The following ABAT variants were observed in gnomAD, a reference collection of about 807,000 sequenced individuals.
ABAT encodes the protein 4-aminobutyrate aminotransferase, mitochondrial.
ABAT carries 45 observed loss-of-function variants against 64.6 expected under a neutral mutation model. The ratio of observed to expected loss-of-function variants is 0.70; its 90% confidence interval spans 0.55 to 0.89. The LOEUF (loss-of-function observed/expected upper bound fraction) is 0.89. Ranked by LOEUF, ABAT falls within the 40% of genes least tolerant of loss-of-function variation. The pLI, the probability that ABAT is intolerant of heterozygous loss-of-function variation, is 0.00. For synonymous variants in ABAT, 297 were observed against 250.5 expected, an observed-to-expected ratio of 1.19 and a Z score of -1.75; for missense variants, 633 against 658.4, an observed-to-expected ratio of 0.96 and a Z score of 0.42.
intron 1 of ABAT, among the ~76,000 whole-genome samples, chr16:8,725,606 T>C (rs1356775388): frequency 6.6e-6 from 1 of 152,268 alleles, no homozygotes; most frequent in Non-Finnish European, 1.5e-5. Flanking sequence ...ATGTTTTGTT[T>C]ATTCATTCAT....
At chr16:8,737,691 G>A (rs1317893631) in intron 2 of ABAT, among the ~76,000 whole-genome samples, 1 of 151,168 alleles carries the variant, frequency 6.6e-6, no homozygotes, top group Non-Finnish European at 1.5e-5. Context: ...GGGAGGCCGA[G>A]GCAGGAGGAT....
At chr16:8,685,931 G>T (rs909993010) in intron 1 of ABAT, among the ~76,000 whole-genome samples, 4 of 152,198 alleles carry the variant, frequency 2.6e-5, no homozygotes, top group Non-Finnish European at 2.9e-5. Flanking sequence ...CCTCCTGGAA[G>T]CTGAATGGAG....
At position 8,776,795 on chromosome 16, in the gene ABAT, C is replaced by G. The variant is rs530622972; in HGVS notation, c.1269+305C>G. 1.3e-5 allele frequency among the ~76,000 whole-genome samples: 2 copies of G among 152,262 alleles called. No individual in the cohort carries two copies. The highest frequency in any genetic ancestry group is 6.5e-5 in the Admixed American group (1 of 15,304). ...GGTCAAGCTCTGTTAGCCAGTCCGG[C>G]CTTGAACTCCTGGCCTCAAACGATC... On this transcript the variant is annotated intron_variant, in intron 14 of 15. Coordinates refer to ENST00000268251, the MANE Select transcript of ABAT (RefSeq NM_020686.6). This position sits in a 1 kb window ranked among gnomAD's most constrained non-coding sequence, Gnocchi z 4.4.
chr16:8,777,849 A>C lies in ABAT; in HGVS notation c.1269+1359A>C, dbSNP rs149415490. Among the ~76,000 whole-genome samples, 565 of 152,300 alleles carry C rather than the reference A, an allele frequency of 3.7e-3. 4 individuals carry two copies. The highest frequency in any genetic ancestry group is 0.013 in the African/African-American group (541 of 41,550). On this transcript the variant is annotated intron_variant, in intron 14 of 15. Coordinates refer to ENST00000268251, the MANE Select transcript of ABAT (RefSeq NM_020686.6). The stretch of plus-strand genomic sequence containing the variant: ...TGCCCACTGCCAGGCACAGGGGCTC[A>C]TGCCTGTAACCCCAGTACTTAGGGA...
In ABAT at chr16:8,690,354, G is replaced by A. The variant is rs116426739; in HGVS notation, c.-42+15643G>A. ...TCACCATCATCTCTACTCCTCACCCGTGGAGGCATGATTCCTACTCTATGG... is the reference window on the plus strand; with the variant it reads ...TCACCATCATCTCTACTCCTCACCCATGGAGGCATGATTCCTACTCTATGG... On this transcript the variant is annotated intron_variant, in intron 1 of 15. Transcript: ENST00000268251. 3.4e-3 allele frequency among the ~76,000 whole-genome samples: 511 copies of A among 152,310 alleles called. 1 individual carries two copies. Among genetic ancestry groups the A allele is most frequent in the African/African-American group, 0.012 (490 of 41,570 alleles).
intron 1 of ABAT, among the ~76,000 whole-genome samples, chr16:8,676,581 C>T (rs950721318): frequency 1.3e-5 from 2 of 152,224 alleles, no homozygotes; most frequent in Admixed American, 6.5e-5. Flanking sequence ...CTGCTTACCC[C>T]GTGCGATCTT....
At chr16:8,688,484 G>GT (rs1252875793) in intron 1 of ABAT, among the ~76,000 whole-genome samples, 4 of 152,064 alleles carry the variant, frequency 2.6e-5, no homozygotes, top group Non-Finnish European at 4.4e-5. Context: ...GACTTACTCT[G>GT]TTTTTTTAAC....
In ABAT at chr16:8,732,540, A is replaced by G. The variant is rs545069804; in HGVS notation, c.-41-3159A>G. Among the ~76,000 whole-genome samples the G allele has an allele frequency of 2.2e-4, 34 of 151,732 alleles. 1 individual carries two copies. Among genetic ancestry groups the G allele is most frequent in the African/African-American group, 7.8e-4 (32 of 41,018 alleles). On this transcript the variant is annotated intron_variant, in intron 1 of 15. Coordinates refer to ENST00000268251, the MANE Select transcript of ABAT (RefSeq NM_020686.6). Reference sequence around the variant, plus strand: ...TTTCAGAGAGCACGGGGTTGGGGGTAAGGTCACAGATCAACAGGATCCCAA... The same window carrying G: ...TTTCAGAGAGCACGGGGTTGGGGGTGAGGTCACAGATCAACAGGATCCCAA...
At chr16:8,779,277 C>T (rs574941607) in intron 14 of ABAT, among the ~76,000 whole-genome samples, 1 of 152,078 alleles carries the variant, frequency 6.6e-6, no homozygotes, top group Admixed American at 6.6e-5. Flanking sequence ...GGTTTTTTTC[C>T]TCCACACAAC....
rs768826504 is a variant in ABAT, at chr16:8,768,225, C to T, written c.636C>T (p.Ser212=). The part of the protein sequence containing the change: ...APGCPDYSIL[S]FMGAFHGRTM... Reference sequence around the variant, plus strand: ...GCTGCCCCGACTACAGCATCCTCTCCTTCATGGGCGCGTTCCATGGGAGGA... The same window carrying T: ...GCTGCCCCGACTACAGCATCCTCTCTTTCATGGGCGCGTTCCATGGGAGGA... The change falls in exon 10 of 16, where the codon TCC becomes TCT. Residue 212 remains serine (S), a synonymous_variant. Transcript: ENST00000268251. The T allele has an allele frequency of 1.9e-6, 3 of 1,614,128 alleles. No individual in the cohort carries two copies. In the South Asian group the frequency reaches 3.3e-5, roughly 18 times the overall value.
At chr16:8,760,894 C>G (rs528863789) in intron 6 of ABAT, among the ~76,000 whole-genome samples, 1 of 151,956 alleles carries the variant, frequency 6.6e-6, no homozygotes, top group African/African-American at 2.4e-5. Flanking sequence ...GGCAACATAT[C>G]GAGACCCTGT....
chr16:8,693,877 A>T (rs1210189810), intron 1 of ABAT, among the ~76,000 whole-genome samples: 1 of 151,896 alleles, frequency 6.6e-6, no homozygotes, highest in Non-Finnish European at 1.5e-5. Context: ...ACACAGTCAT[A>T]AGAAATGATA....
At chr16:8,758,339 A>C (rs563038740) in intron 6 of ABAT, among the ~76,000 whole-genome samples, 16 of 152,160 alleles carry the variant, frequency 1.1e-4, no homozygotes, top group Non-Finnish European at 2.1e-4. Flanking sequence ...GAGGCTTCCC[A>C]GGGAAATGAC....
In ABAT at chr16:8,781,215, A is replaced by G; in HGVS notation, c.1382-94A>G. 1 of 1,414,340 alleles carries G rather than the reference A, an allele frequency of 7.1e-7. No homozygotes were observed. The highest frequency in any genetic ancestry group is 1.2e-5 in the South Asian group (1 of 85,776). The allele number at this position is 1,414,340 out of a possible 1,614,324, so 87.6% of individuals were successfully genotyped here. ...GATGGATGGATGGATGGATGGATGGATGAGCGTTGCCAACAGGCATCACTT... is the reference window on the plus strand; with the variant it reads ...GATGGATGGATGGATGGATGGATGGGTGAGCGTTGCCAACAGGCATCACTT... On this transcript the variant is annotated intron_variant, in intron 15 of 15. Transcript: ENST00000268251. The surrounding 1 kb of genome is among the most constrained non-coding windows in gnomAD (Gnocchi z 4.5).
intron 1 of ABAT, among the ~76,000 whole-genome samples, chr16:8,698,925 A>C (rs2057761284): frequency 6.6e-6 from 1 of 152,112 alleles, no homozygotes; most frequent in Admixed American, 6.5e-5. Context: ...CAGCCTGGGC[A>C]ATAGGGAGAA....
intron 1 of ABAT, among the ~76,000 whole-genome samples, chr16:8,676,410 C>CA (rs1296695010): frequency 2.0e-5 from 3 of 152,002 alleles, no homozygotes; most frequent in Non-Finnish European, 4.4e-5. Context: ...CTCACATTTA[C>CA]AATGGGGACT....
At chr16:8,701,885 G>A (rs1463637267) in intron 1 of ABAT, among the ~76,000 whole-genome samples, 1 of 150,352 alleles carries the variant, frequency 6.7e-6, no homozygotes, top group African/African-American at 2.4e-5. Context: ...CATCTGGCAC[G>A]TTCAAGGAAC....
chr16:8,753,648 A>G (rs894785196), intron 5 of ABAT, among the ~76,000 whole-genome samples: 2 of 152,254 alleles, frequency 1.3e-5, no homozygotes, highest in Non-Finnish European at 1.5e-5. Flanking sequence ...ATAAGGAACC[A>G]GGACTTAAAG....
At chr16:8,676,980 C>T (rs935309308) in intron 1 of ABAT, among the ~76,000 whole-genome samples, 2 of 152,200 alleles carry the variant, frequency 1.3e-5, no homozygotes, top group African/African-American at 4.8e-5. Context: ...CTGCCCCCAC[C>T]CAGTTCCCAG....
Sources: gnomAD v4.1 joint callset for allele counts (sites outside exome capture counted in the v4.1 genomes callset) on GRCh38, gnomAD v4.1.1 for gene constraint, Gnocchi (gnomAD v3.1) non-coding constraint, MANE v1.5 for transcripts, NCBI Gene and HGNC (gene_info 2026-07-23, HGNC 2026-07-21) for gene names.